TMEM50B: variants seen among roughly 807,000 people sequenced by gnomAD.
TMEM50B encodes HCV p7-trans-regulated protein 3.
A neutral mutation model predicts 23.4 loss-of-function variants in TMEM50B; 14 were observed. That is an observed-to-expected ratio of 0.60 (90% CI 0.39 to 0.93). TMEM50B has a LOEUF of 0.93. TMEM50B is among the 40% of genes least tolerant of loss of function. TMEM50B has a pLI of 0.00. For missense variants in TMEM50B, 159 were observed against 193.0 expected (o/e 0.82, Z 1.04); for synonymous variants, 64 against 62.3 (o/e 1.03, Z -0.13).
downstream of TMEM50B, among the ~76,000 whole-genome samples, chr21:33,444,738 A>G (rs1332639796): frequency 7.1e-6 from 1 of 141,374 alleles, no homozygotes; most frequent in African/African-American, 2.7e-5. Context: ...GAAGTGTGCA[A>G]TGTTCATGCC....
intron 1 of TMEM50B, chr21:33,479,069 C>G (rs879678858): frequency 3.2e-5 from 10 of 308,162 alleles, no homozygotes; most frequent in Non-Finnish European, 5.2e-5. Flanking sequence ...CCCAGCCTAG[C>G]CCGTCTCACT....
intron 6 of TMEM50B, among the ~76,000 whole-genome samples, chr21:33,454,692 C>G (rs1228835153): frequency 6.6e-6 from 1 of 151,822 alleles, no homozygotes; most frequent in East Asian, 1.9e-4. Context: ...AAAGGCTAGT[C>G]AAGTGAAACA....
chr21:33,455,228 T>C (rs1016340199), intron 6 of TMEM50B, among the ~76,000 whole-genome samples: 1 of 152,218 alleles, frequency 6.6e-6, no homozygotes, highest in Non-Finnish European at 1.5e-5. Flanking sequence ...TCTCACTCTA[T>C]TGCCCAGGCT....
chr21:33,472,180 G>A (rs1318204725), intron 1 of TMEM50B, among the ~76,000 whole-genome samples: 1 of 151,350 alleles, frequency 6.6e-6, no homozygotes, highest in Non-Finnish European at 1.5e-5. Context: ...TCAAGAGATC[G>A]AGACCATCCT....
At chr21:33,437,266 T>G in intron 8 of TMEM50B, 1 of 335,866 alleles carries the variant, frequency 3.0e-6, no homozygotes, top group East Asian at 6.9e-5. Context: ...GACACATCTC[T>G]GATACTTTTT....
intron 8 of TMEM50B, among the ~76,000 whole-genome samples, chr21:33,433,704 TG>T (rs1255509524): frequency 6.6e-6 from 1 of 152,152 alleles, no homozygotes; most frequent in South Asian, 2.1e-4. Flanking sequence ...TTGCACAATG[TG>T]AATGTGCTTG....
chr21:33,478,945 AC>A (rs1183044279), intron 1 of TMEM50B: 1 of 412,774 alleles, frequency 2.4e-6, no homozygotes. Context: ...ATCGGGTCTT[AC>A]AGCGCGATGT....
intron 6 of TMEM50B, among the ~76,000 whole-genome samples, chr21:33,454,692 CAAGTGAAACA>C (rs2084153504): frequency 6.6e-6 from 1 of 151,822 alleles, no homozygotes. Flanking sequence ...AAAGGCTAGT[CAAGTGAAACA>C]ATGGGTCTGA....
chr21:33,441,221 ATC>A (rs1347580868), intron 7 of TMEM50B, among the ~76,000 whole-genome samples: 2 of 151,868 alleles, frequency 1.3e-5, no homozygotes, highest in Non-Finnish European at 2.9e-5. Flanking sequence ...CAGAGCAAGA[ATC>A]TGTCTCAAAA....
intron 3 of TMEM50B, among the ~76,000 whole-genome samples, chr21:33,466,339 T>G (rs1435556296): frequency 6.6e-6 from 1 of 152,090 alleles, no homozygotes; most frequent in Non-Finnish European, 1.5e-5. Context: ...TTAAAAGACA[T>G]CCATAAAAAG....
chr21:33,464,822 A>C (rs974248137), intron 4 of TMEM50B, among the ~76,000 whole-genome samples: 5 of 148,836 alleles, frequency 3.4e-5, no homozygotes, highest in African/African-American at 7.4e-5. Context: ...AAAAAAAAAA[A>C]AACAAAAATT....
intron 4 of TMEM50B, among the ~76,000 whole-genome samples, chr21:33,461,108 A>G (rs575121472): frequency 2.6e-5 from 4 of 152,342 alleles, no homozygotes; most frequent in East Asian, 1.9e-4. Context: ...TAGATTCAAC[A>G]TATTTTTAGG....
chr21:33,476,094 A>G (rs1226235170), intron 1 of TMEM50B, among the ~76,000 whole-genome samples: 3 of 152,194 alleles, frequency 2.0e-5, no homozygotes. Flanking sequence ...CAGCCTCTAA[A>G]TATAAAAGAA....
rs1434364573 is a variant in TMEM50B, at chr21:33,455,775, A to AC, written c.382dup (p.Val128GlyfsTer17). 5 of 1,613,684 alleles carry AC rather than the reference A, an allele frequency of 3.1e-6. No individual in the cohort carries two copies. In the African/African-American group the frequency reaches 6.7e-5, roughly 22 times the overall value. On this transcript the variant is annotated frameshift_variant, in exon 6 of 7. Transcript: ENST00000542230. LOFTEE classifies it high-confidence loss of function. ...AAAAAACACAGCTAGTCCCGGATAA[A>AC]CATCAGTATCTACATACACAAAGTA...
At chr21:33,477,331 G>T (rs1200661007) in intron 1 of TMEM50B, among the ~76,000 whole-genome samples, 1 of 151,918 alleles carries the variant, frequency 6.6e-6, no homozygotes, top group Non-Finnish European at 1.5e-5. Context: ...AGGTCTCCAC[G>T]TGCTTATGAA....
intron 1 of TMEM50B, among the ~76,000 whole-genome samples, chr21:33,471,450 A>G (rs1034990412): frequency 1.8e-4 from 27 of 152,214 alleles, no homozygotes; most frequent in African/African-American, 6.0e-4. Context: ...TGACTCAGAT[A>G]TTGAAATTAG....
intron 1 of TMEM50B, among the ~76,000 whole-genome samples, chr21:33,473,800 C>T (rs563524669): frequency 3.9e-5 from 6 of 152,252 alleles, no homozygotes; most frequent in African/African-American, 7.2e-5. Flanking sequence ...CATACATCAA[C>T]GAATGGATAA....
chr21:33,479,270 G>A (rs2084403700), intron 1 of TMEM50B: 1 of 156,106 alleles, frequency 6.4e-6, no homozygotes, highest in African/African-American at 2.4e-5. Context: ...TCGAAAGAAT[G>A]TTGTTCCCCT....
chr21:33,454,977 T>C (rs1260308573), intron 6 of TMEM50B, among the ~76,000 whole-genome samples: 1 of 151,884 alleles, frequency 6.6e-6, no homozygotes, highest in Non-Finnish European at 1.5e-5. Context: ...ATTAGCTGGG[T>C]GTGGTGGTGT....
Sources: gnomAD v4.1 joint callset for allele counts (sites outside exome capture counted in the v4.1 genomes callset) on GRCh38, gnomAD v4.1.1 for gene constraint, MANE v1.5 for transcripts, NCBI Gene and HGNC (gene_info 2026-07-23, HGNC 2026-07-21) for gene names.